Variants in PPM1H observed in about 807,000 individuals in gnomAD.
PPM1H encodes the protein protein phosphatase, Mg2+/Mn2+ dependent 1H, also known as protein phosphatase 1H.
A neutral mutation model predicts 54.9 loss-of-function variants in PPM1H; 27 were observed. That is an observed-to-expected ratio of 0.49 (90% confidence interval 0.36 to 0.68). The LOEUF is 0.68. Ranked by LOEUF, PPM1H falls within the 30% of genes least tolerant of loss-of-function variation. The pLI is 0.00. For missense variants in PPM1H, 596 were observed against 667.8 expected (o/e 0.89, Z 1.19); for synonymous variants, 305 against 270.8 (o/e 1.13, Z -1.24).
In PPM1H at chr12:62,709,357, AG is replaced by A. The variant is rs2076193935; in HGVS notation, c.1073+10813del. ...TGCCTGGCACAGCAGGGAGGCTTCT[AG>A]GACCCTGCTGCAGCCCAGCTGGGGC... On this transcript the variant is annotated intron_variant, in intron 6 of 9. Coordinates refer to ENST00000228705, the MANE Select transcript of PPM1H (RefSeq NM_020700.2). 2.0e-5 allele frequency among the ~76,000 whole-genome samples: 3 copies of A among 152,328 alleles called. No homozygotes were observed. In the South Asian group the frequency reaches 6.2e-4, roughly 32 times the overall value.
chr12:62,787,469 C>A lies in PPM1H; in HGVS notation c.869+757G>T, dbSNP rs895553054. On this transcript the variant is annotated intron_variant, in intron 4 of 9. Coordinates refer to ENST00000228705, the MANE Select transcript of PPM1H (RefSeq NM_020700.2). ...GTAATACATGTTAGAATATTTGTTG[C>A]AAAATCTGTAATTTAAAAATTCCCC... Among the ~76,000 whole-genome samples the A allele has an allele frequency of 5.4e-4, 82 of 152,106 alleles. 1 individual carries two copies. The highest frequency in any genetic ancestry group is 1.9e-3 in the African/African-American group (79 of 41,424).
chr12:62,784,014 T>A (rs1333839582), intron 4 of PPM1H, among the ~76,000 whole-genome samples: 2 of 152,246 alleles, frequency 1.3e-5, no homozygotes, highest in Non-Finnish European at 2.9e-5. Flanking sequence ...GACATTTGCA[T>A]GCTACTGGTT....
intron 1 of PPM1H, among the ~76,000 whole-genome samples, chr12:62,891,119 A>AG (rs1249708193): frequency 6.6e-6 from 1 of 151,422 alleles, no homozygotes; most frequent in African/African-American, 2.4e-5. Context: ...AAAAAAAAAA[A>AG]AAAAAAGACT....
intron 6 of PPM1H, among the ~76,000 whole-genome samples, chr12:62,714,684 C>A (rs532759284): frequency 6.6e-6 from 1 of 152,148 alleles, no homozygotes; most frequent in African/African-American, 2.4e-5. Context: ...AGGTGCCTAT[C>A]GCCAAAACAG....
At chr12:62,892,179 CT>C (rs1186108204) in intron 1 of PPM1H, among the ~76,000 whole-genome samples, 1 of 152,142 alleles carries the variant, frequency 6.6e-6, no homozygotes, top group Non-Finnish European at 1.5e-5. Flanking sequence ...CTAAATTCAA[CT>C]TTTTTTCCCA....
chr12:62,897,534 C>G (rs1392460192), intron 1 of PPM1H, among the ~76,000 whole-genome samples: 1 of 152,056 alleles, frequency 6.6e-6, no homozygotes, highest in Admixed American at 6.6e-5. Flanking sequence ...CTACAATGAC[C>G]TATCAAGCAG....
chr12:62,734,633 C>G (rs1013808193), intron 5 of PPM1H, among the ~76,000 whole-genome samples: 7 of 152,234 alleles, frequency 4.6e-5, no homozygotes, highest in African/African-American at 1.7e-4. Context: ...CAGGTCCATT[C>G]TTGTAACATG....
At chr12:62,657,462 C>A (rs1451634131) in intron 9 of PPM1H, among the ~76,000 whole-genome samples, 1 of 152,142 alleles carries the variant, frequency 6.6e-6, no homozygotes, top group Non-Finnish European at 1.5e-5. Context: ...TTAGAGGCTG[C>A]CACAGCCAGG....
chr12:62,908,994 C>T (rs1054516399), intron 1 of PPM1H, among the ~76,000 whole-genome samples: 19 of 152,138 alleles, frequency 1.2e-4, no homozygotes, highest in African/African-American at 4.1e-4. Flanking sequence ...CAACACTACA[C>T]CAGTTCCCAC....
chr12:62,737,507 A>G lies in PPM1H; in HGVS notation c.949T>C (p.Tyr317His). ...CAAGCCTAGATGACTCTTACCAGGT[A>G]CTGAAGTCGCTGGCGCTCCGTCTCG... ...TPETERQRLQ[Y>H]LAFMQPHLLG... is the part of the protein sequence containing the mutation. Residue 317 changes from tyrosine to histidine, a missense_variant, in exon 5 of 10, where the codon TAC (tyrosine) becomes CAC (histidine). Tyr to His is a moderately conservative substitution (Grantham distance 83, BLOSUM62 2). This residue lies in a region of PPM1H where 208 missense variants were observed against 259.5 expected (regional missense o/e 0.80). Coordinates refer to ENST00000228705, the MANE Select transcript of PPM1H (RefSeq NM_020700.2). 4.5e-6 allele frequency: 7 copies of G among 1,566,992 alleles called. No homozygotes were observed. Among genetic ancestry groups the G allele is most frequent in the Non-Finnish European group, 6.1e-6 (7 of 1,151,060 alleles).
At chr12:62,747,855 C>T (rs973945701) in intron 4 of PPM1H, among the ~76,000 whole-genome samples, 4 of 152,170 alleles carry the variant, frequency 2.6e-5, no homozygotes, top group African/African-American at 7.2e-5. Context: ...CCAAGTACTC[C>T]CTCTGCTCTA....
At chr12:62,861,183 A>G (rs1869588843) in intron 1 of PPM1H, among the ~76,000 whole-genome samples, 1 of 152,240 alleles carries the variant, frequency 6.6e-6, no homozygotes, top group South Asian at 2.1e-4. Flanking sequence ...AAAATAAGCT[A>G]TGGGCCTCAT....
chr12:62,878,626 T>TAAA (rs34587900), intron 1 of PPM1H, among the ~76,000 whole-genome samples: 2,498 of 81,546 alleles, frequency 0.031, 297 homozygotes, highest in African/African-American at 0.035. Flanking sequence ...TGATTACGCT[T>TAAA]AAAAAAAAAA....
intron 4 of PPM1H, among the ~76,000 whole-genome samples, chr12:62,780,749 A>G (rs370234499): frequency 6.6e-6 from 1 of 152,114 alleles, no homozygotes; most frequent in South Asian, 2.1e-4. Flanking sequence ...CATATCACCT[A>G]CACATTAGAT....
chr12:62,745,250 C>T (rs1199261912), intron 4 of PPM1H, among the ~76,000 whole-genome samples: 4 of 151,958 alleles, frequency 2.6e-5, no homozygotes, highest in African/African-American at 9.7e-5. Context: ...TTTATAGAGA[C>T]GAGGCCTCAC....
chr12:62,817,152 T>TAAAAAAAAAAAAAA (rs2076873724), intron 2 of PPM1H, among the ~76,000 whole-genome samples: 2 of 63,144 alleles, frequency 3.2e-5, no homozygotes, highest in Non-Finnish European at 5.8e-5. Flanking sequence ...AAAAAAAAAC[T>TAAAAAAAAAAAAAA]AAAAAAAAGA....
At chr12:62,921,649 G>A (rs1391564491) in intron 1 of PPM1H, among the ~76,000 whole-genome samples, 1 of 152,172 alleles carries the variant, frequency 6.6e-6, no homozygotes, top group Non-Finnish European at 1.5e-5. Context: ...AGCAAGTGTG[G>A]TGGTGCCCAC....
At chr12:62,931,513 C>T (rs1872130427) in intron 1 of PPM1H, among the ~76,000 whole-genome samples, 2 of 152,130 alleles carry the variant, frequency 1.3e-5, no homozygotes, top group African/African-American at 4.8e-5. Context: ...TATAAGGAAG[C>T]GGTACAGTAT....
At chr12:62,814,970 T>C (rs1399760688) in intron 2 of PPM1H, among the ~76,000 whole-genome samples, 4 of 152,192 alleles carry the variant, frequency 2.6e-5, no homozygotes, top group Non-Finnish European at 1.5e-5. Context: ...CAGTCCAGAG[T>C]ATCTGCTATA....
Sources: allele counts gnomAD v4.1 joint callset (sites outside exome capture counted in the v4.1 genomes callset), GRCh38; gene constraint gnomAD v4.1.1; regional missense constraint gnomAD v4.1.1; transcripts MANE v1.5; gene names NCBI Gene and HGNC (gene_info 2026-07-23, HGNC 2026-07-21).